Variants in CTIF observed in about 807,000 individuals in gnomAD.
The protein encoded by CTIF is CBP80/20-dependent translation initiation factor.
Under a neutral mutation model 66.0 loss-of-function variants are expected in CTIF, and 21 were observed. The observed-to-expected ratio is 0.32, with a 90% CI of 0.23 to 0.46. The LOEUF (loss-of-function observed/expected upper bound fraction) is 0.46, where lower values mean the gene tolerates loss of function less well. CTIF is among the 20% of genes least tolerant of loss of function. CTIF has a pLI of 1.00. For missense variants in CTIF, 739 were observed against 812.7 expected, an observed-to-expected ratio of 0.91 and a Z score of 1.10; for synonymous variants, 345 against 326.4, an observed-to-expected ratio of 1.06 and a Z score of -0.62.
At chr18:48,784,196 G>C (rs2146080475) in intron 9 of CTIF, among the ~76,000 whole-genome samples, 2 of 152,366 alleles carry the variant, frequency 1.3e-5, no homozygotes, top group African/African-American at 4.8e-5. Context: ...GGCACACCCA[G>C]ACGGCCCCGA....
intron 1 of CTIF, among the ~76,000 whole-genome samples, chr18:48,603,494 G>GAT (rs1432649244): frequency 0.13 from 16,711 of 132,596 alleles, 1,439 homozygotes; most frequent in Non-Finnish European, 0.15. Context: ...TGGGTGGGTG[G>GAT]GTGGGTGGAT....
chr18:48,799,506 T>G (rs1042721374), intron 9 of CTIF, among the ~76,000 whole-genome samples: 2 of 152,132 alleles, frequency 1.3e-5, no homozygotes, highest in Non-Finnish European at 1.5e-5. Context: ...GACACTGGCA[T>G]GGGACGTATT....
chr18:48,661,520 G>A (rs2091346926), intron 3 of CTIF, among the ~76,000 whole-genome samples: 1 of 152,072 alleles, frequency 6.6e-6, no homozygotes, highest in African/African-American at 2.4e-5. Flanking sequence ...CTGTCCCCTT[G>A]GGGGTTGTGT....
chr18:48,701,992 T>C (rs964491887), intron 6 of CTIF, among the ~76,000 whole-genome samples: 2 of 152,166 alleles, frequency 1.3e-5, no homozygotes, highest in African/African-American at 4.8e-5. Flanking sequence ...TGTTGGCTCA[T>C]GAAATCAAAG....
At chr18:48,817,189 G>C (rs1023367710) in intron 9 of CTIF, 32 bp from the exon 10 acceptor site, 1 of 1,603,842 alleles carries the variant, frequency 6.2e-7, no homozygotes, top group African/African-American at 1.3e-5. Flanking sequence ...CCCAGCCCCG[G>C]GAGGCTGACG....
chr18:48,702,768 T>C (rs1453137547), intron 6 of CTIF, among the ~76,000 whole-genome samples: 1 of 152,170 alleles, frequency 6.6e-6, no homozygotes, highest in Non-Finnish European at 1.5e-5. Flanking sequence ...CGACTTTCCT[T>C]TCTGAATCAG....
intron 3 of CTIF, among the ~76,000 whole-genome samples, chr18:48,643,718 T>C (rs918333325): frequency 2.0e-5 from 3 of 152,178 alleles, no homozygotes; most frequent in Admixed American, 2.0e-4. Flanking sequence ...GGGCAGAAAG[T>C]CAGAGAAAGA....
chr18:48,853,056 A>G (rs1428092171), intron 10 of CTIF, among the ~76,000 whole-genome samples: 1 of 151,970 alleles, frequency 6.6e-6, no homozygotes, highest in African/African-American at 2.4e-5. Context: ...CTGGGTGAGC[A>G]TTTTCCTTTC....
intron 7 of CTIF, among the ~76,000 whole-genome samples, chr18:48,721,737 C>T (rs2092337882): frequency 6.8e-6 from 1 of 147,696 alleles, no homozygotes; most frequent in African/African-American, 2.6e-5. Context: ...AGTCTAACCT[C>T]AGAGAACGTG....
chr18:48,545,749 G>C (rs1229741094), intron 1 of CTIF, among the ~76,000 whole-genome samples: 1 of 152,196 alleles, frequency 6.6e-6, no homozygotes, highest in Non-Finnish European at 1.5e-5. Flanking sequence ...AGAGGCTGCA[G>C]AAGTGTGTGC....
chr18:48,645,046 T>A (rs1383704153), intron 3 of CTIF, among the ~76,000 whole-genome samples: 1 of 152,176 alleles, frequency 6.6e-6, no homozygotes, highest in African/African-American at 2.4e-5. Flanking sequence ...GACCTAAACT[T>A]CTGCTTCTGG....
chr18:48,772,198 GTATTATAGCAAGA>G (rs1910210077), intron 9 of CTIF, among the ~76,000 whole-genome samples: 2 of 152,220 alleles, frequency 1.3e-5, no homozygotes, highest in Non-Finnish European at 2.9e-5. Flanking sequence ...GCCTGCCCCA[GTATTATAGCAAGA>G]AGAGAGCTAA....
intron 3 of CTIF, among the ~76,000 whole-genome samples, chr18:48,648,813 A>G (rs1215130642): frequency 6.6e-6 from 1 of 152,212 alleles, no homozygotes; most frequent in Admixed American, 6.5e-5. Flanking sequence ...CAGTGAGGAA[A>G]CACAGGTCCA....
chr18:48,546,492 G>A (rs1011658486), intron 1 of CTIF, among the ~76,000 whole-genome samples: 1 of 152,158 alleles, frequency 6.6e-6, no homozygotes, highest in African/African-American at 2.4e-5. Flanking sequence ...CAATGACAGA[G>A]CACCTAGAAA....
intron 2 of CTIF, among the ~76,000 whole-genome samples, chr18:48,623,458 G>A (rs577165507): frequency 1.3e-5 from 2 of 152,134 alleles, no homozygotes; most frequent in African/African-American, 4.8e-5. Flanking sequence ...AGGGTTAGCT[G>A]TGTCTACATA....
At chr18:48,821,994 C>G (rs2068493649) in intron 10 of CTIF, among the ~76,000 whole-genome samples, 1 of 152,086 alleles carries the variant, frequency 6.6e-6, no homozygotes, top group Non-Finnish European at 1.5e-5. Flanking sequence ...CTGCACTTCC[C>G]CCTAGCCTCT....
chr18:48,680,123 G>C (rs2091715223), intron 6 of CTIF, among the ~76,000 whole-genome samples: 2 of 152,168 alleles, frequency 1.3e-5, no homozygotes, highest in Admixed American at 6.5e-5. Context: ...TCCTCCTGGA[G>C]ACCAAGAGGG....
At chr18:48,677,006 C>T (rs1488160007) in intron 6 of CTIF, among the ~76,000 whole-genome samples, 5 of 152,024 alleles carry the variant, frequency 3.3e-5, no homozygotes, top group Admixed American at 1.3e-4. Context: ...GGCGGGAGGC[C>T]GGGGCCGCGG....
intron 5 of CTIF, among the ~76,000 whole-genome samples, chr18:48,667,316 C>A (rs1172910713): frequency 6.6e-6 from 1 of 152,116 alleles, no homozygotes; most frequent in East Asian, 1.9e-4. Context: ...ATGCCTGGTG[C>A]AGGGTTAAAT....
Sources: allele counts gnomAD v4.1 joint callset (sites outside exome capture counted in the v4.1 genomes callset), GRCh38; gene constraint gnomAD v4.1.1; transcripts MANE v1.5; gene names NCBI Gene and HGNC (gene_info 2026-07-23, HGNC 2026-07-21).